Variants in SMAD5 observed in about 807,000 individuals in gnomAD.
The protein encoded by SMAD5 is SMAD family member 5.
A neutral mutation model predicts 43.1 loss-of-function variants in SMAD5; 9 were observed. The ratio of observed to expected loss-of-function variants is 0.21; its 90% CI spans 0.13 to 0.36. The LOEUF (loss-of-function observed/expected upper bound fraction) is 0.36. Ranked by LOEUF, SMAD5 falls within the 10% of genes least tolerant of loss-of-function variation. The pLI, the probability that SMAD5 is intolerant of heterozygous loss-of-function variation, is 1.00. For missense variants in SMAD5, 348 were observed against 574.0 expected, an observed-to-expected ratio of 0.61 and a Z score of 4.02; for synonymous variants, 190 against 192.4, an observed-to-expected ratio of 0.99 and a Z score of 0.10.
chr5:136,149,657 A>G (rs923538835), intron 2 of SMAD5, among the ~76,000 whole-genome samples: 1 of 151,850 alleles, frequency 6.6e-6, no homozygotes, highest in Admixed American at 6.6e-5. Context: ...TCTTTTGACT[A>G]TTCACTAATT....
chr5:136,176,203 C>T (rs1174211413), intron 7 of SMAD5, among the ~76,000 whole-genome samples: 2 of 151,284 alleles, frequency 1.3e-5, no homozygotes, highest in African/African-American at 4.9e-5. Flanking sequence ...CCTGTAATCC[C>T]AGCACTTTGG....
chr5:136,157,724 G>A (rs1220523492), intron 3 of SMAD5, among the ~76,000 whole-genome samples: 1 of 152,178 alleles, frequency 6.6e-6, no homozygotes, highest in Non-Finnish European at 1.5e-5. Context: ...GGTAGTGAGA[G>A]CAATGGGGAG....
chr5:136,170,410 A>G (rs1294592901), intron 5 of SMAD5, among the ~76,000 whole-genome samples: 4 of 151,756 alleles, frequency 2.6e-5, no homozygotes, highest in Non-Finnish European at 5.9e-5. Flanking sequence ...ACTTGGGTCT[A>G]TTTCTAAACT....
At chr5:136,145,097 GTATTTCTTCT>G (rs1473597498) in intron 1 of SMAD5, among the ~76,000 whole-genome samples, 2 of 148,520 alleles carry the variant, frequency 1.3e-5, no homozygotes, top group African/African-American at 5.1e-5. Flanking sequence ...AAAAGCTGCC[GTATTTCTTCT>G]AAGATGTAAT....
In SMAD5 at chr5:136,169,461, A is replaced by G. The variant is rs377291357; in HGVS notation, c.776-2973A>G. ...CCAATTAGTTTGACACTCAATACTA[A>G]CCATCACAGCACCAAATACTATTTC... On this transcript the variant is annotated intron_variant, in intron 5 of 7. Coordinates refer to ENST00000545279, the MANE Select transcript of SMAD5 (RefSeq NM_005903.7). Among the ~76,000 whole-genome samples, 5 of 152,270 alleles carry G rather than the reference A, an allele frequency of 3.3e-5. 1 individual carries two copies. The East Asian group carries it at 9.6e-4, about 29-fold the overall frequency.
intron 2 of SMAD5, among the ~76,000 whole-genome samples, chr5:136,151,257 A>G (rs1476291076): frequency 6.6e-6 from 1 of 152,098 alleles, no homozygotes; most frequent in African/African-American, 2.4e-5. Context: ...TGATAATGTA[A>G]TATCAGATTA....
intron 1 of SMAD5, among the ~76,000 whole-genome samples, chr5:136,136,238 C>T (rs759877155): frequency 3.9e-5 from 6 of 152,284 alleles, no homozygotes; most frequent in East Asian, 1.9e-4. Flanking sequence ...AGTCCAGTGG[C>T]GCAATCTTGG....
In SMAD5 at chr5:136,177,372, C is replaced by G; in HGVS notation, c.1290C>G (p.Thr430=). 1.2e-6 allele frequency: 2 copies of G among 1,613,376 alleles called. No individual in the cohort carries two copies. The change falls in exon 8 of 8, where the codon ACC becomes ACG. Residue 430 remains threonine (T), a synonymous_variant. Coordinates refer to ENST00000545279, the MANE Select transcript of SMAD5 (RefSeq NM_005903.7). ...CAGAATATCACCGGCAGGATGTAAC[C>G]AGCACCCCATGTTGGATTGAGATTC... ...WGAEYHRQDV[T]STPCWIEIHL...
At chr5:136,165,399 G>A (rs982215673) in intron 5 of SMAD5, among the ~76,000 whole-genome samples, 1 of 151,390 alleles carries the variant, frequency 6.6e-6, no homozygotes, top group Non-Finnish European at 1.5e-5. Flanking sequence ...GTTTTTTTAT[G>A]GCAAACTATA....
chr5:136,145,693 A>G (rs1753236206), intron 1 of SMAD5, among the ~76,000 whole-genome samples: 2 of 152,050 alleles, frequency 1.3e-5, no homozygotes, highest in East Asian at 3.9e-4. Context: ...GTTGCCCTTT[A>G]TTGAGTATGC....
chr5:136,139,593 CA>C (rs1449295814), intron 1 of SMAD5, among the ~76,000 whole-genome samples: 2 of 152,182 alleles, frequency 1.3e-5, no homozygotes, highest in African/African-American at 4.8e-5. Context: ...AAGCCATCGT[CA>C]TCTTCTCCCC....
chr5:136,139,126 CTCTGTGTGTGTGTG>C (rs1214973330), intron 1 of SMAD5, among the ~76,000 whole-genome samples: 1 of 139,872 alleles, frequency 7.1e-6, no homozygotes, highest in African/African-American at 3.1e-5. Flanking sequence ...TAGCTGTGAG[CTCTGTGTGTGTGTG>C]TGTGTGTGTG....
chr5:136,151,882 C>T (rs1254866707), intron 2 of SMAD5, among the ~76,000 whole-genome samples: 2 of 152,080 alleles, frequency 1.3e-5, no homozygotes, highest in Admixed American at 6.6e-5. Flanking sequence ...TACTTCCTGA[C>T]CCACATGGAT....
rs373959193 is a variant in SMAD5 at position 136,174,515 on chromosome 5, C to A, written c.1137C>A (p.Ser379Arg). The change falls in exon 7 of 8, where the codon AGC becomes AGA. Residue 379 changes from serine (S) to arginine (R), a missense_variant. Physicochemically the swap from Ser to Arg is moderately radical, Grantham distance 110. Coordinates refer to ENST00000545279, the MANE Select transcript of SMAD5 (RefSeq NM_005903.7). The stretch of plus-strand genomic sequence containing the variant: ...TCTGTAAGATTCCCAGCAGCTGCAG[C>A]CTCAAAATTTTTAACAATCAGGAGT... ...TTVCKIPSSCSLKIFNNQEFA... is the reference protein window; with the variant it reads ...TTVCKIPSSCRLKIFNNQEFA... 2 of 1,613,910 alleles carry A rather than the reference C, an allele frequency of 1.2e-6. No homozygotes were observed. Among genetic ancestry groups the A allele is most frequent in the Admixed American group, 3.3e-5 (2 of 60,018 alleles).
At chr5:136,175,099 G>A (rs1281543556) in intron 7 of SMAD5, among the ~76,000 whole-genome samples, 2 of 152,128 alleles carry the variant, frequency 1.3e-5, no homozygotes, top group African/African-American at 2.4e-5. Flanking sequence ...GAGAATGAGA[G>A]CCAAATGAAA....
rs1242523030 is a variant in SMAD5 at position 136,147,869 on chromosome 5, A to G, written c.-207A>G. On this transcript the variant is annotated 5_prime_UTR_variant, in exon 2 of 8. Coordinates refer to ENST00000545279, the MANE Select transcript of SMAD5 (RefSeq NM_005903.7). Reference sequence around the variant, plus strand: ...TGAAGTTATTGAAGTACCTGTTGCTATATTCTAAGAAATTAAAATGTCCAG... The same window carrying G: ...TGAAGTTATTGAAGTACCTGTTGCTGTATTCTAAGAAATTAAAATGTCCAG... 6.6e-6 allele frequency: 1 copy of G among 151,668 alleles called. No homozygotes were observed. Among genetic ancestry groups the G allele is most frequent in the African/African-American group, 2.4e-5 (1 of 41,354 alleles). 9.4% of individuals were successfully genotyped at this position (151,668 alleles called of 1,614,324 possible). A position where few individuals can be genotyped will look rare whatever the true frequency, so the allele number is the denominator to read the frequency against.
At chr5:136,164,052 G>T (rs1285197463) in intron 5 of SMAD5, among the ~76,000 whole-genome samples, 2 of 152,128 alleles carry the variant, frequency 1.3e-5, no homozygotes, top group Non-Finnish European at 2.9e-5. Flanking sequence ...AATTACCTGG[G>T]TGTGGTGGCA....
intron 5 of SMAD5, among the ~76,000 whole-genome samples, chr5:136,168,552 G>A (rs1002989094): frequency 6.6e-6 from 1 of 152,170 alleles, no homozygotes; most frequent in Non-Finnish European, 1.5e-5. Context: ...TCACCAGAGT[G>A]GGACATTTGT....
At chr5:136,138,862 T>C (rs191678511) in intron 1 of SMAD5, among the ~76,000 whole-genome samples, 191 of 152,334 alleles carry the variant, frequency 1.3e-3, no homozygotes, top group South Asian at 2.5e-3. Flanking sequence ...GGGATGGTTC[T>C]AAGGAATTTG....
Sources: allele counts gnomAD v4.1 joint callset (sites outside exome capture counted in the v4.1 genomes callset), GRCh38; gene constraint gnomAD v4.1.1; transcripts MANE v1.5; gene names NCBI Gene and HGNC (gene_info 2026-07-23, HGNC 2026-07-21).